Variants in CCSER1 observed in about 807,000 individuals in gnomAD.
CCSER1 encodes the protein serine-rich coiled-coil domain-containing protein 1.
In CCSER1, 41 loss-of-function variants were observed where a neutral mutation model predicts 82.0. That is an observed-to-expected ratio of 0.50 (90% CI 0.39 to 0.65). CCSER1 has a LOEUF of 0.65. CCSER1 is among the 30% of genes least tolerant of loss of function. The pLI is 0.00. For synonymous variants in CCSER1, 414 were observed against 383.9 expected (o/e 1.08, Z -0.92); for missense variants, 1,119 against 1,064.2 (o/e 1.05, Z -0.72).
intron 1 of CCSER1, among the ~76,000 whole-genome samples, chr4:90,201,339 A>T (rs1177496596): frequency 6.6e-6 from 1 of 152,056 alleles, no homozygotes; most frequent in African/African-American, 2.4e-5. Flanking sequence ...TGCTGTAGTG[A>T]TAGGAAAAGA....
intron 5 of CCSER1, among the ~76,000 whole-genome samples, chr4:90,548,350 C>G (rs1777039896): frequency 6.6e-6 from 1 of 152,086 alleles, no homozygotes; most frequent in African/African-American, 2.4e-5. Context: ...ATCCTTCAGC[C>G]CCACATTCAA....
chr4:90,990,451 G>T (rs11728122), intron 9 of CCSER1, among the ~76,000 whole-genome samples: 7,657 of 151,948 alleles, frequency 0.05, 479 homozygotes, highest in African/African-American at 0.15. Flanking sequence ...AGTTCTTAAC[G>T]CTGACAGCTC....
chr4:91,123,254 GTC>G (rs1727240854), intron 10 of CCSER1, among the ~76,000 whole-genome samples: 1 of 151,528 alleles, frequency 6.6e-6, no homozygotes. Flanking sequence ...AGTTCGATTA[GTC>G]AGATTCATTA....
chr4:90,317,663 C>T (rs919182160), intron 3 of CCSER1, among the ~76,000 whole-genome samples: 2 of 151,958 alleles, frequency 1.3e-5, no homozygotes, highest in Non-Finnish European at 2.9e-5. Context: ...TAATAACTTC[C>T]AAATCTAGCG....
intron 10 of CCSER1, among the ~76,000 whole-genome samples, chr4:91,297,385 ATGTGTGTG>A (rs57164334): frequency 0.041 from 4,874 of 117,994 alleles, 178 homozygotes; most frequent in East Asian, 0.2. Flanking sequence ...GTGTGTGTGT[ATGTGTGTG>A]TGTGTGTGTG....
At chr4:90,275,136 T>C (rs972338225) in intron 1 of CCSER1, among the ~76,000 whole-genome samples, 27 of 152,144 alleles carry the variant, frequency 1.8e-4, no homozygotes, top group Admixed American at 1.2e-3. Context: ...TAGAAATTCA[T>C]TGGAAGACTT....
intron 9 of CCSER1, among the ~76,000 whole-genome samples, chr4:90,981,537 A>G (rs1308710652): frequency 6.6e-6 from 1 of 151,892 alleles, no homozygotes; most frequent in Non-Finnish European, 1.5e-5. Context: ...AGCTATTTAA[A>G]TATAAGTTTA....
chr4:90,180,113 T>A, intron 1 of CCSER1, among the ~76,000 whole-genome samples: 1 of 107,824 alleles, frequency 9.3e-6, no homozygotes, highest in Non-Finnish European at 1.7e-5. Context: ...ATGTATTGCT[T>A]ATGTAGTTAT....
rs1458234024 is a variant in CCSER1, at chr4:90,932,959, AAAGAAAGAAAG to A, written c.2172+9515_2172+9525del. Among the ~76,000 whole-genome samples, 8 of 45,672 alleles carry A rather than the reference AAAGAAAGAAAG, an allele frequency of 1.8e-4. 3 individuals carry two copies. In the East Asian group the frequency reaches 3.5e-3, roughly 20 times the overall value. The allele number at this position is 45,672 out of a possible 152,430, so 30.0% of individuals were successfully genotyped here. A position where few individuals can be genotyped will look rare whatever the true frequency, so the allele number is the denominator to read the frequency against. ...GAAAGAAAGAAAGAAAGAAAGAAAGAAAGAAAGAAAGAAAGAAAGAAAGAGAAAGAAAGAAA... is the reference window on the plus strand; with the variant it reads ...GAAAGAAAGAAAGAAAGAAAGAAAGAAAAGAAAGAAAGAGAAAGAAAGAAA... On this transcript the variant is annotated intron_variant, in intron 9 of 10. Transcript: ENST00000509176.
intron 10 of CCSER1, among the ~76,000 whole-genome samples, chr4:91,463,730 G>A (rs1071859): frequency 3.9e-5 from 6 of 152,170 alleles, no homozygotes; most frequent in Non-Finnish European, 8.8e-5. Flanking sequence ...AAGCTGATTC[G>A]ATCAATGGGA....
chr4:90,541,437 T>A (rs1039706313), intron 5 of CCSER1, among the ~76,000 whole-genome samples: 4 of 152,080 alleles, frequency 2.6e-5, no homozygotes, highest in Non-Finnish European at 5.9e-5. Context: ...CTGTTGGCCT[T>A]CAAATCTTAT....
chr4:90,374,434 A>G (rs560630566), intron 3 of CCSER1, among the ~76,000 whole-genome samples: 7 of 152,290 alleles, frequency 4.6e-5, no homozygotes, highest in East Asian at 1.9e-4. Context: ...TTGACAATCA[A>G]TTCAACTGAT....
At chr4:91,486,945 G>A (rs1185373445) in intron 10 of CCSER1, among the ~76,000 whole-genome samples, 1 of 152,038 alleles carries the variant, frequency 6.6e-6, no homozygotes, top group Non-Finnish European at 1.5e-5. Context: ...TCATGTTGTA[G>A]TAACTGCTGA....
intron 8 of CCSER1, among the ~76,000 whole-genome samples, chr4:90,885,983 C>A (rs1271388508): frequency 2.0e-5 from 3 of 152,068 alleles, no homozygotes; most frequent in Non-Finnish European, 4.4e-5. Flanking sequence ...AAGTCAGTCA[C>A]CTTGCAGTCC....
intron 6 of CCSER1, among the ~76,000 whole-genome samples, chr4:90,703,661 A>G (rs998191557): frequency 6.6e-6 from 1 of 152,142 alleles, no homozygotes; most frequent in African/African-American, 2.4e-5. Context: ...GTGCTCCTGT[A>G]TTGGGTTCAT....
At chr4:91,216,104 T>A (rs1425617038) in intron 10 of CCSER1, among the ~76,000 whole-genome samples, 1 of 152,126 alleles carries the variant, frequency 6.6e-6, no homozygotes, top group Admixed American at 6.5e-5. Flanking sequence ...CCAGATTTTC[T>A]GCTTGAATAT....
chr4:90,777,473 C>T (rs1753074862), intron 7 of CCSER1, among the ~76,000 whole-genome samples: 1 of 149,610 alleles, frequency 6.7e-6, no homozygotes, highest in African/African-American at 2.5e-5. Context: ...AATTATTAAT[C>T]ATGGATAATT....
chr4:91,453,293 T>TAAC (rs1755969012), intron 10 of CCSER1, among the ~76,000 whole-genome samples: 1 of 152,046 alleles, frequency 6.6e-6, no homozygotes, highest in Admixed American at 6.6e-5. Flanking sequence ...ATCAAACTTA[T>TAAC]AACACTGTCT....
intron 1 of CCSER1, among the ~76,000 whole-genome samples, chr4:90,281,678 G>A (rs775130798): frequency 2.6e-5 from 4 of 151,980 alleles, no homozygotes; most frequent in Non-Finnish European, 5.9e-5. Flanking sequence ...CCATTCTCAA[G>A]TCTATTTTTA....
Sources: gnomAD v4.1 joint callset for allele counts (sites outside exome capture counted in the v4.1 genomes callset) on GRCh38, gnomAD v4.1.1 for gene constraint, MANE v1.5 for transcripts, NCBI Gene and HGNC (gene_info 2026-07-23, HGNC 2026-07-21) for gene names.